Variants in CNNM2 observed in about 807,000 individuals in gnomAD.
CNNM2 encodes the protein metal transporter CNNM2.
CNNM2 carries 12 observed loss-of-function variants against 66.9 expected under a neutral mutation model. The ratio of observed to expected loss-of-function variants is 0.18; its 90% CI spans 0.11 to 0.29. The LOEUF is 0.29. CNNM2 is among the 10% of genes least tolerant of loss of function. The pLI, the probability that CNNM2 is intolerant of heterozygous loss-of-function variation, is 1.00. For synonymous variants in CNNM2, 557 were observed against 501.8 expected (o/e 1.11, Z -1.47); for missense variants, 705 against 1,167.7 (o/e 0.60, Z 5.77).
intron 1 of CNNM2, among the ~76,000 whole-genome samples, chr10:102,985,462 AAGCTAG>A (rs1383200307): frequency 3.3e-5 from 5 of 152,174 alleles, no homozygotes; most frequent in African/African-American, 1.2e-4. Flanking sequence ...CTCCTCATCA[AAGCTAG>A]ATACAGGAAG....
intron 1 of CNNM2, among the ~76,000 whole-genome samples, chr10:102,961,711 A>G (rs1474867223): frequency 6.6e-6 from 1 of 152,104 alleles, no homozygotes; most frequent in Non-Finnish European, 1.5e-5. Context: ...AGTCAAATGG[A>G]TTTTGTCATG....
At position 102,990,749 on chromosome 10, in the gene CNNM2, C is replaced by T. The variant is rs78430080; in HGVS notation, c.1622-58958C>T. On this transcript the variant is annotated intron_variant, in intron 1 of 7. Coordinates refer to ENST00000369878, the MANE Select transcript of CNNM2 (RefSeq NM_017649.5). ...AATTTTGATATTCTTTCCATCCACTCTTGCATTTTGTTCTTTGAGGTGTGA... is the reference window on the plus strand; with the variant it reads ...AATTTTGATATTCTTTCCATCCACTTTTGCATTTTGTTCTTTGAGGTGTGA... Among the ~76,000 whole-genome samples the T allele has an allele frequency of 2.3e-3, 357 of 152,276 alleles. 5 individuals carry two copies. In the East Asian group the frequency reaches 0.046, roughly 19 times the overall value.
At chr10:102,988,242 C>T (rs1257569856) in intron 1 of CNNM2, among the ~76,000 whole-genome samples, 1 of 152,076 alleles carries the variant, frequency 6.6e-6, no homozygotes, top group African/African-American at 2.4e-5. Flanking sequence ...GCGGAGGTTG[C>T]AGTGAGCCGG....
chr10:102,929,143 C>G (rs1181700765), intron 1 of CNNM2, among the ~76,000 whole-genome samples: 1 of 152,094 alleles, frequency 6.6e-6, no homozygotes. Context: ...GCCTGTAGTC[C>G]CAGCTACTTA....
rs2065779070 is a variant in CNNM2 at position 103,083,839 on chromosome 10, T to C, written c.*6659T>C. 1 of 152,166 alleles carries C rather than the reference T, an allele frequency of 6.6e-6. No homozygotes were observed. The highest frequency in any genetic ancestry group is 1.5e-5 in the Non-Finnish European group (1 of 68,034). The allele number at this position is 152,166 out of a possible 1,614,324, so 9.4% of individuals were successfully genotyped here. A position where few individuals can be genotyped will look rare whatever the true frequency, so the allele number is the denominator to read the frequency against. ...CTCAATTGGCTCTTGAAAACAAGGA[T>C]GGCTTTATAGGTCCTCCTCTGCTAT... is the stretch of plus-strand genomic sequence containing the variant. On this transcript the variant is annotated 3_prime_UTR_variant, in exon 8 of 8. Coordinates refer to ENST00000369878, the MANE Select transcript of CNNM2 (RefSeq NM_017649.5).
chr10:102,971,074 C>G (rs528162232), intron 1 of CNNM2, among the ~76,000 whole-genome samples: 3 of 151,648 alleles, frequency 2.0e-5, no homozygotes, highest in Admixed American at 1.3e-4. Context: ...TGGCACTTGC[C>G]TCTAGTCCTG....
At chr10:103,066,696 A>G (rs1369738600) in intron 4 of CNNM2, among the ~76,000 whole-genome samples, 2 of 152,052 alleles carry the variant, frequency 1.3e-5, no homozygotes, top group Admixed American at 1.3e-4. Context: ...AAGAAGTAAG[A>G]TTTTTCTGGG....
intron 1 of CNNM2, among the ~76,000 whole-genome samples, chr10:103,040,703 A>G (rs918984530): frequency 2.0e-5 from 3 of 152,154 alleles, no homozygotes; most frequent in African/African-American, 4.8e-5. Context: ...GTGTGCAGAT[A>G]ACAAGCTGTG....
At chr10:102,970,363 T>C (rs1229317204) in intron 1 of CNNM2, among the ~76,000 whole-genome samples, 1 of 152,216 alleles carries the variant, frequency 6.6e-6, no homozygotes, top group Admixed American at 6.5e-5. Flanking sequence ...AATTTCAGTG[T>C]CATAAATAAA....
chr10:102,932,529 C>T (rs774458183), intron 1 of CNNM2, among the ~76,000 whole-genome samples: 3 of 152,152 alleles, frequency 2.0e-5, no homozygotes, highest in Non-Finnish European at 1.5e-5. Context: ...ATGGGTCCAA[C>T]TTTATTGTTT....
At chr10:103,016,988 T>C (rs2064465669) in intron 1 of CNNM2, among the ~76,000 whole-genome samples, 1 of 150,882 alleles carries the variant, frequency 6.6e-6, no homozygotes, top group African/African-American at 2.5e-5. Flanking sequence ...CTTTTTTTTT[T>C]TTTAACCAGG....
chr10:103,040,552 T>C (rs1261128180), intron 1 of CNNM2, among the ~76,000 whole-genome samples: 1 of 152,120 alleles, frequency 6.6e-6, no homozygotes, highest in Non-Finnish European at 1.5e-5. Flanking sequence ...AGTCTTCCTT[T>C]GTGAATGGAG....
chr10:103,001,032 A>G (rs2064110469), intron 1 of CNNM2, among the ~76,000 whole-genome samples: 1 of 152,264 alleles, frequency 6.6e-6, no homozygotes, highest in South Asian at 2.1e-4. Flanking sequence ...GACATATGCT[A>G]CAACATGGAT....
intron 1 of CNNM2, among the ~76,000 whole-genome samples, chr10:103,042,372 A>T (rs2065057215): frequency 6.6e-6 from 1 of 152,114 alleles, no homozygotes; most frequent in Non-Finnish European, 1.5e-5. Flanking sequence ...ACCTGCTGCC[A>T]GGCCTTTCCC....
Position 102,919,939 on chromosome 10 carries a change from G to A in CNNM2, c.1459G>A (p.Glu487Lys). The change falls in exon 1 of 8, where the codon GAG becomes AAG. Residue 487 changes from glutamate to lysine, a missense_variant. Physicochemically the swap from Glu to Lys is moderately conservative, Grantham distance 56. Around this residue, in one of 9 missense-constraint regions of CNNM2, gnomAD observed 171 missense variants for 304.8 expected, o/e 0.56. Coordinates refer to ENST00000369878, the MANE Select transcript of CNNM2 (RefSeq NM_017649.5). ...GYTRIPVFEGERSNIVDLLFV... is the reference protein window; with the variant it reads ...GYTRIPVFEGKRSNIVDLLFV... ...CACCCGCATTCCAGTGTTTGAAGGG[G>A]AGCGCTCCAATATCGTGGACCTGCT... The A allele has an allele frequency of 6.2e-7, 1 of 1,614,220 alleles. No homozygotes were observed. The highest frequency in any genetic ancestry group is 8.5e-7 in the Non-Finnish European group (1 of 1,180,034).
chr10:103,086,682 AG>A lies in CNNM2; in HGVS notation c.*9504del, dbSNP rs2065816435. 1 of 152,218 alleles carries A rather than the reference AG, an allele frequency of 6.6e-6. No individual in the cohort carries two copies. The highest frequency in any genetic ancestry group is 1.5e-5 in the Non-Finnish European group (1 of 68,032). 9.4% of individuals were successfully genotyped at this position (152,218 alleles called of 1,614,324 possible). ...TTCTTAACAATGCTAATGTGACTTA[AG>A]GATTTGTAGTTCTATTAAAAACGAC... On this transcript the variant is annotated 3_prime_UTR_variant, in exon 8 of 8. Coordinates refer to ENST00000369878, the MANE Select transcript of CNNM2 (RefSeq NM_017649.5).
rs552132147 is a variant in CNNM2 at position 102,935,664 on chromosome 10, T to C, written c.1621+15563T>C. Among the ~76,000 whole-genome samples, 4 of 147,136 alleles carry C rather than the reference T, an allele frequency of 2.7e-5. No individual in the cohort carries two copies. The East Asian group carries it at 8.0e-4, about 29-fold the overall frequency. Reference sequence around the variant, plus strand: ...CTCTATTGCCCAGGATGGAGTGCAGTGACACAATCACAGCTCACTGCAGCC... The same window carrying C: ...CTCTATTGCCCAGGATGGAGTGCAGCGACACAATCACAGCTCACTGCAGCC... On this transcript the variant is annotated intron_variant, in intron 1 of 7. Coordinates refer to ENST00000369878, the MANE Select transcript of CNNM2 (RefSeq NM_017649.5).
At chr10:103,022,959 G>A (rs2064619004) in intron 1 of CNNM2, among the ~76,000 whole-genome samples, 1 of 152,082 alleles carries the variant, frequency 6.6e-6, no homozygotes. Flanking sequence ...CTGGAGTGCA[G>A]TGGCATGATT....
At chr10:103,046,886 C>G (rs1367107547) in intron 1 of CNNM2, among the ~76,000 whole-genome samples, 1 of 152,162 alleles carries the variant, frequency 6.6e-6, no homozygotes, top group Non-Finnish European at 1.5e-5. Context: ...AAACTCCATA[C>G]ATAGTAATTT....
Sources: allele counts gnomAD v4.1 joint callset (sites outside exome capture counted in the v4.1 genomes callset), GRCh38; gene constraint gnomAD v4.1.1; regional missense constraint gnomAD v4.1.1; transcripts MANE v1.5; gene names NCBI Gene and HGNC (gene_info 2026-07-23, HGNC 2026-07-21).